Variants in LYPLAL1 observed in about 807,000 individuals in gnomAD.
LYPLAL1 encodes the protein lysophospholipase-like protein 1.
In LYPLAL1, 23 loss-of-function variants were observed where a neutral mutation model predicts 19.7. That is an observed-to-expected ratio of 1.17 (90% CI 0.84 to 1.65). The LOEUF (loss-of-function observed/expected upper bound fraction) is 1.65. Ranked by LOEUF, LYPLAL1 falls within the 40% of genes most tolerant of loss-of-function variation. The probability of loss-of-function intolerance (pLI) is 0.00; values close to 1 mark genes in which losing one functional copy is unlikely to be tolerated. For missense variants in LYPLAL1, 355 were observed against 279.4 expected (o/e 1.27, Z -1.93); for synonymous variants, 119 against 96.3 (o/e 1.24, Z -1.38).
At chr1:219,240,639 A>G in the LYPLAL1 span, among the ~76,000 whole-genome samples, 1 of 152,210 alleles carries the variant, frequency 6.6e-6, no homozygotes, top group South Asian at 2.1e-4. Flanking sequence ...AAATTCCCCA[A>G]AATGAATACT....
the LYPLAL1 span, among the ~76,000 whole-genome samples, chr1:219,250,548 T>A: frequency 6.6e-6 from 1 of 151,944 alleles, no homozygotes; most frequent in East Asian, 1.9e-4. Context: ...GTACATATTA[T>A]TTCATCAGAC....
chr1:219,248,572 G>A, the LYPLAL1 span, among the ~76,000 whole-genome samples: 1 of 152,170 alleles, frequency 6.6e-6, no homozygotes, highest in Admixed American at 6.5e-5. Flanking sequence ...ATTTAATTAT[G>A]AAAGTTGTCA....
At chr1:219,385,372 T>C in the LYPLAL1 span, among the ~76,000 whole-genome samples, 1 of 152,106 alleles carries the variant, frequency 6.6e-6, no homozygotes, top group Non-Finnish European at 1.5e-5. Flanking sequence ...ACTCAAAAAA[T>C]TGTTCAAAAG....
At chr1:219,313,541 TTGA>T in the LYPLAL1 span, among the ~76,000 whole-genome samples, 2 of 151,970 alleles carry the variant, frequency 1.3e-5, no homozygotes, top group Admixed American at 1.3e-4. Context: ...TTTTTTTTTT[TTGA>T]GATAGAGTTT....
chr1:219,410,987 T>C, the LYPLAL1 span, among the ~76,000 whole-genome samples: 1 of 152,338 alleles, frequency 6.6e-6, no homozygotes, highest in Admixed American at 6.5e-5. Context: ...CGCCACCCCC[T>C]GCTCCATGGC....
the LYPLAL1 span, among the ~76,000 whole-genome samples, chr1:219,375,048 C>T: frequency 2.0e-5 from 3 of 152,244 alleles, no homozygotes; most frequent in Non-Finnish European, 1.5e-5. Flanking sequence ...GGCAACAGAC[C>T]TACTACCATT....
At chr1:219,384,355 C>T in the LYPLAL1 span, among the ~76,000 whole-genome samples, 2 of 152,224 alleles carry the variant, frequency 1.3e-5, no homozygotes, top group Admixed American at 1.3e-4. Flanking sequence ...TAACCACTTG[C>T]AGTTTCAATT....
At chr1:219,436,357 G>T in the LYPLAL1 span, among the ~76,000 whole-genome samples, 2 of 152,128 alleles carry the variant, frequency 1.3e-5, no homozygotes, top group Non-Finnish European at 2.9e-5. Flanking sequence ...GACTGTGTTG[G>T]TATAGAAATA....
the LYPLAL1 span, among the ~76,000 whole-genome samples, chr1:219,401,599 C>G: frequency 6.6e-6 from 1 of 151,574 alleles, no homozygotes; most frequent in Non-Finnish European, 1.5e-5. Context: ...CAATGAAGTA[C>G]TTTATATGTC....
chr1:219,256,575 T>G, the LYPLAL1 span, among the ~76,000 whole-genome samples: 1 of 151,958 alleles, frequency 6.6e-6, no homozygotes, highest in Non-Finnish European at 1.5e-5. Context: ...GATTGCACTT[T>G]AGTTTTTATA....
chr1:219,222,704 GTCGC>G, the LYPLAL1 span: 1 of 152,084 alleles, frequency 6.6e-6, no homozygotes. Context: ...ATGCAAGTGT[GTCGC>G]TCTTTAACTG....
At chr1:219,362,233 G>C in the LYPLAL1 span, among the ~76,000 whole-genome samples, 49 of 152,234 alleles carry the variant, frequency 3.2e-4, no homozygotes, top group Middle Eastern at 6.8e-3. Flanking sequence ...AAATGATATA[G>C]ACATTTTGGA....
chr1:219,367,695 C>T, the LYPLAL1 span, among the ~76,000 whole-genome samples: 2 of 152,094 alleles, frequency 1.3e-5, no homozygotes, highest in African/African-American at 2.4e-5. Flanking sequence ...GTACATAAGC[C>T]GTGTTGACTC....
At chr1:219,316,561 C>T in the LYPLAL1 span, among the ~76,000 whole-genome samples, 5 of 152,082 alleles carry the variant, frequency 3.3e-5, no homozygotes, top group Admixed American at 6.5e-5. Context: ...AGCAAGGCCT[C>T]CAGGTCAAGG....
intron 3 of LYPLAL1, among the ~76,000 whole-genome samples, chr1:219,205,383 A>C (rs1295331309): frequency 6.6e-6 from 1 of 151,698 alleles, no homozygotes; most frequent in Non-Finnish European, 1.5e-5. Flanking sequence ...AAAAAACAAA[A>C]AAAACAAAAG....
intron 3 of LYPLAL1, 28 bp from the exon 4 acceptor site, chr1:219,210,504 C>A (rs1226516340): frequency 1.2e-5 from 2 of 173,154 alleles, no homozygotes; most frequent in South Asian, 4.4e-5. Flanking sequence ...TTTATGTATT[C>A]TACTTTTAAG....
chr1:219,244,911 CAAA>C, the LYPLAL1 span, among the ~76,000 whole-genome samples: 1 of 123,150 alleles, frequency 8.1e-6, no homozygotes, highest in Admixed American at 8.4e-5. Flanking sequence ...CATGCCACTG[CAAA>C]AAAAAAAAAA....
chr1:219,305,892 C>T, the LYPLAL1 span, among the ~76,000 whole-genome samples: 1 of 152,150 alleles, frequency 6.6e-6, no homozygotes, highest in Non-Finnish European at 1.5e-5. Flanking sequence ...ACAATACTTC[C>T]ATTTTGTTTA....
intron 2 of LYPLAL1, among the ~76,000 whole-genome samples, chr1:219,192,199 T>C (rs569655659): frequency 1.3e-5 from 2 of 151,874 alleles, no homozygotes; most frequent in Admixed American, 6.6e-5. Context: ...AGAGAAGAAG[T>C]ACAAAAGCAT....
Sources: gnomAD v4.1 joint callset for allele counts (sites outside exome capture counted in the v4.1 genomes callset) on GRCh38, gnomAD v4.1.1 for gene constraint, MANE v1.5 for transcripts, NCBI Gene and HGNC (gene_info 2026-07-23, HGNC 2026-07-21) for gene names.